The following TBC1D4 variants were observed in gnomAD, a reference collection of about 807,000 sequenced individuals.
TBC1D4 encodes TBC1 domain family member 4, also known as TBC (Tre-2, BUB2, CDC16) domain-containing protein.
TBC1D4 carries 121 observed loss-of-function variants against 142.5 expected under a neutral mutation model. That is an observed-to-expected ratio of 0.85 (90% CI 0.73 to 0.99). The LOEUF is 0.99. Ranked by LOEUF, TBC1D4 falls within the 50% of genes least tolerant of loss-of-function variation. TBC1D4 has a pLI of 0.00. For synonymous variants in TBC1D4, 630 were observed against 628.2 expected (o/e 1.00, Z -0.04); for missense variants, 1,475 against 1,606.6 (o/e 0.92, Z 1.40).
intron 1 of TBC1D4, among the ~76,000 whole-genome samples, chr13:75,377,595 T>C (rs950272363): frequency 1.3e-5 from 2 of 151,564 alleles, no homozygotes; most frequent in Non-Finnish European, 2.9e-5. Flanking sequence ...GACATTCGGT[T>C]ACTCTACTAA....
At chr13:75,428,007 TTAAAA>T (rs1198554636) in intron 1 of TBC1D4, among the ~76,000 whole-genome samples, 2 of 152,080 alleles carry the variant, frequency 1.3e-5, no homozygotes, top group African/African-American at 4.8e-5. Context: ...GGAAGAAAAA[TTAAAA>T]TAACATCAGG....
intron 1 of TBC1D4, among the ~76,000 whole-genome samples, chr13:75,449,597 T>C (rs1178096580): frequency 6.6e-6 from 1 of 151,662 alleles, no homozygotes; most frequent in Non-Finnish European, 1.5e-5. Context: ...GTTTTTTTTT[T>C]TTTTTTGAGA....
intron 5 of TBC1D4, among the ~76,000 whole-genome samples, chr13:75,347,972 C>CA (rs1211865463): frequency 6.6e-6 from 1 of 151,978 alleles, no homozygotes; most frequent in East Asian, 1.9e-4. Context: ...CCCATCTCTA[C>CA]AAAAAATTTT....
At chr13:75,440,622 T>C (rs1886997965) in intron 1 of TBC1D4, among the ~76,000 whole-genome samples, 1 of 151,836 alleles carries the variant, frequency 6.6e-6, no homozygotes, top group Non-Finnish European at 1.5e-5. Flanking sequence ...GGTGTGATAA[T>C]GGCTCACTGT....
At chr13:75,379,372 T>C (rs928068760) in intron 1 of TBC1D4, among the ~76,000 whole-genome samples, 2 of 152,172 alleles carry the variant, frequency 1.3e-5, no homozygotes, top group Non-Finnish European at 1.5e-5. Context: ...TATGACAGTA[T>C]ATTCATTTGT....
At chr13:75,297,790 A>G (rs970525687) in intron 17 of TBC1D4, among the ~76,000 whole-genome samples, 6 of 151,810 alleles carry the variant, frequency 4.0e-5, no homozygotes, top group Non-Finnish European at 7.4e-5. Context: ...AGATAAAAAG[A>G]TACAGGTAAA....
At chr13:75,298,172 A>C (rs1046445041) in intron 17 of TBC1D4, among the ~76,000 whole-genome samples, 1 of 152,238 alleles carries the variant, frequency 6.6e-6, no homozygotes, top group Non-Finnish European at 1.5e-5. Flanking sequence ...TATTATGATG[A>C]ACTGGGAGTC....
chr13:75,402,354 A>G (rs921930552), intron 1 of TBC1D4, among the ~76,000 whole-genome samples: 1 of 152,210 alleles, frequency 6.6e-6, no homozygotes, highest in African/African-American at 2.4e-5. Context: ...ATACACCTTC[A>G]TTCTTCTATG....
intron 1 of TBC1D4, among the ~76,000 whole-genome samples, chr13:75,450,774 A>C (rs9543931): frequency 0.95 from 145,018 of 152,256 alleles, 69,470 homozygotes; most frequent in East Asian, 1. Context: ...CCTGGTGGCC[A>C]CAAGCCCCAC....
chr13:75,389,438 C>T (rs1235665708), intron 1 of TBC1D4, among the ~76,000 whole-genome samples: 1 of 152,080 alleles, frequency 6.6e-6, no homozygotes, highest in Non-Finnish European at 1.5e-5. Flanking sequence ...AATTCTGAGG[C>T]TACTATTAGT....
intron 10 of TBC1D4, among the ~76,000 whole-genome samples, chr13:75,325,289 C>G (rs1879129455): frequency 6.6e-6 from 1 of 152,036 alleles, no homozygotes; most frequent in South Asian, 2.1e-4. Flanking sequence ...TAAAATATCT[C>G]ATTTTTAAAT....
intron 17 of TBC1D4, 144 bp from the exon 18 acceptor site, chr13:75,295,157 G>T: frequency 1.2e-6 from 1 of 818,168 alleles, no homozygotes; most frequent in Non-Finnish European, 1.8e-6. Flanking sequence ...TTTTAAAGTT[G>T]ATACTAAAAT....
intron 1 of TBC1D4, chr13:75,366,840 A>G (rs2138192713): frequency 1.6e-6 from 1 of 617,520 alleles, no homozygotes; most frequent in Middle Eastern, 8.2e-4. Flanking sequence ...TACAACTACC[A>G]AACACTGATG....
intron 1 of TBC1D4, among the ~76,000 whole-genome samples, chr13:75,390,148 C>T (rs1884388937): frequency 1.3e-5 from 2 of 151,590 alleles, no homozygotes; most frequent in South Asian, 2.1e-4. Flanking sequence ...GGCCTGGCGG[C>T]GGGCGCCTGT....
At position 75,310,060 on chromosome 13, in the gene TBC1D4, A is replaced by T; in HGVS notation, c.2475T>A (p.Asp825Glu). The change falls in exon 14 of 21, where the codon GAT (aspartate) becomes GAA (glutamate). Residue 825 changes from aspartate to glutamate, a missense_variant. This residue lies in a region of TBC1D4 where 1,227 missense variants were observed against 1,267.7 expected (regional missense o/e 0.97). Transcript: ENST00000377636. ...TTCTTTCTTCAATCTTTTCTGGGTC[A>T]TCCTCCCCAGACAGGAATACAACCA... The part of the protein sequence containing the change: ...EPLVVFLSGE[D>E]DPEKIEERKK... The T allele has an allele frequency of 6.2e-7, 1 of 1,614,054 alleles. No homozygotes were observed. Among genetic ancestry groups the T allele is most frequent in the Non-Finnish European group, 8.5e-7 (1 of 1,179,970 alleles).
Position 75,326,468 on chromosome 13 carries a change from A to G in TBC1D4, c.1807-45T>C, listed in dbSNP as rs1430226452. On this transcript the variant is annotated intron_variant, in intron 9 of 20. Transcript: ENST00000377636. ...GAGCCCTTTATTTCCCACGTGGGTC[A>G]TGGCAGACCTGCCAAAACACAGAGC... The G allele has an allele frequency of 3.8e-6, 6 of 1,598,008 alleles. No individual in the cohort carries two copies. In the South Asian group the frequency reaches 5.5e-5, roughly 15 times the overall value.
chr13:75,465,510 G>C (rs555132622), intron 1 of TBC1D4, among the ~76,000 whole-genome samples: 1 of 152,324 alleles, frequency 6.6e-6, no homozygotes, highest in East Asian at 1.9e-4. Flanking sequence ...TTACAGAAGG[G>C]TGGAGAGCGG....
chr13:75,320,727 T>A (rs1977339), intron 11 of TBC1D4, among the ~76,000 whole-genome samples: 57,554 of 151,644 alleles, frequency 0.38, 12,454 homozygotes, highest in East Asian at 0.63. Flanking sequence ...AATGTGCTTT[T>A]AAAAAAGTAA....
intron 1 of TBC1D4, among the ~76,000 whole-genome samples, chr13:75,454,740 C>T (rs571380741): frequency 6.6e-6 from 1 of 152,180 alleles, no homozygotes; most frequent in Non-Finnish European, 1.5e-5. Context: ...GAGATACTAA[C>T]AAGCAAGACC....
Sources: allele counts gnomAD v4.1 joint callset (sites outside exome capture counted in the v4.1 genomes callset), GRCh38; gene constraint gnomAD v4.1.1; regional missense constraint gnomAD v4.1.1; transcripts MANE v1.5; gene names NCBI Gene and HGNC (gene_info 2026-07-23, HGNC 2026-07-21).